Variants in GALNT16 observed in about 807,000 individuals in gnomAD.
GALNT16 encodes polypeptide N-acetylgalactosaminyltransferase 16.
In GALNT16, 40 loss-of-function variants were observed where a neutral mutation model predicts 76.1. The ratio of observed to expected loss-of-function variants is 0.53; its 90% CI spans 0.41 to 0.68. The LOEUF (loss-of-function observed/expected upper bound fraction) is 0.68. GALNT16 is among the 30% of genes least tolerant of loss of function. GALNT16 has a pLI of 0.00. For synonymous variants in GALNT16, 276 were observed against 285.2 expected, an observed-to-expected ratio of 0.97 and a Z score of 0.32; for missense variants, 621 against 731.9, an observed-to-expected ratio of 0.85 and a Z score of 1.75.
chr14:69,333,044 C>T lies in GALNT16; in HGVS notation c.779-41C>T, dbSNP rs2045374564. 2.8e-6 allele frequency: 4 copies of T among 1,437,284 alleles called. No homozygotes were observed. The highest frequency in any genetic ancestry group is 2.0e-6 in the Non-Finnish European group (2 of 1,018,748). The allele number at this position is 1,437,284 out of a possible 1,614,324, so 89.0% of individuals were successfully genotyped here. ...AGTGAAGGGTCTCAGCAGCCCGCAG[C>T]TCTGCCCTGAGCTCTGTCCTCACCT... On this transcript the variant is annotated intron_variant, in intron 7 of 14. Transcript: ENST00000448469. This position sits in a 1 kb window ranked among gnomAD's most constrained non-coding sequence, Gnocchi z 4.2.
intron 9 of GALNT16, among the ~76,000 whole-genome samples, chr14:69,337,192 G>C (rs984213149): frequency 1.3e-5 from 2 of 152,160 alleles, no homozygotes; most frequent in African/African-American, 2.4e-5. Flanking sequence ...TGACAGTGTG[G>C]CTTGCTGGAC....
intron 1 of GALNT16, among the ~76,000 whole-genome samples, chr14:69,281,933 A>G (rs1251601976): frequency 1.3e-5 from 2 of 152,188 alleles, no homozygotes; most frequent in African/African-American, 4.8e-5. Context: ...CTCATTCTGA[A>G]ATTGCCTCCT....
rs2045379492 is a variant in GALNT16 at position 69,333,325 on chromosome 14, G to C, written c.863+156G>C. ...GGACCCTGTATGCAGGGACAGCGAG[G>C]ACAGAGGCCACGGGAACAGATGTGG... On this transcript the variant is annotated intron_variant, in intron 8 of 14. Transcript: ENST00000448469. This position sits in a 1 kb window ranked among gnomAD's most constrained non-coding sequence, Gnocchi z 4.2. 1.4e-6 allele frequency: 1 copy of C among 700,700 alleles called. No individual in the cohort carries two copies. The highest frequency in any genetic ancestry group is 1.8e-5 in the African/African-American group (1 of 55,112). 43.4% of individuals were successfully genotyped at this position (700,700 alleles called of 1,614,324 possible).
rs2045652914 is a variant in GALNT16 at position 69,352,605 on chromosome 14, A to G, written c.*437A>G. 1 of 156,846 alleles carries G rather than the reference A, an allele frequency of 6.4e-6. No individual in the cohort carries two copies. Among genetic ancestry groups the G allele is most frequent in the Non-Finnish European group, 1.4e-5 (1 of 71,392 alleles). The allele number at this position is 156,846 out of a possible 1,614,324, so 9.7% of individuals were successfully genotyped here. On this transcript the variant is annotated 3_prime_UTR_variant, in exon 15 of 15. Transcript: ENST00000448469. The stretch of plus-strand genomic sequence containing the variant: ...GCAGGGCCAGGGGAAATTGGGCAGC[A>G]TGGATGGAGAGGCTGAAGGCTGGGA...
intron 12 of GALNT16, among the ~76,000 whole-genome samples, chr14:69,342,551 A>T (rs2045508148): frequency 6.6e-6 from 1 of 150,594 alleles, no homozygotes; most frequent in Non-Finnish European, 1.5e-5. Context: ...AAAAGGAGAG[A>T]ATCAACAATA....
rs539203356 is a variant in GALNT16, at chr14:69,304,932, G to C, written c.178-15779G>C. The stretch of plus-strand genomic sequence containing the variant: ...GTGAATAATGCTGCATTGAACAAAG[G>C]AGTGCTAATATCCCTTCAAAGTCTT... On this transcript the variant is annotated intron_variant, in intron 1 of 14. Transcript: ENST00000448469. 1.1e-4 allele frequency among the ~76,000 whole-genome samples: 17 copies of C among 152,284 alleles called. 1 individual carries two copies. In the South Asian group the frequency reaches 1.7e-3, roughly 15 times the overall value.
At chr14:69,283,258 C>T (rs1238968951) in intron 1 of GALNT16, among the ~76,000 whole-genome samples, 1 of 152,210 alleles carries the variant, frequency 6.6e-6, no homozygotes, top group African/African-American at 2.4e-5. Context: ...ATGTCAGTCA[C>T]TTGGGTTCCT....
intron 1 of GALNT16, among the ~76,000 whole-genome samples, chr14:69,305,819 G>T (rs780421814): frequency 6.6e-6 from 1 of 152,062 alleles, no homozygotes; most frequent in African/African-American, 2.4e-5. Flanking sequence ...TGTTTTTGAT[G>T]TCATGTCCAC....
At chr14:69,340,388 A>C (rs1036574089) in intron 11 of GALNT16, among the ~76,000 whole-genome samples, 1 of 152,164 alleles carries the variant, frequency 6.6e-6, no homozygotes, top group Admixed American at 6.6e-5. Context: ...GATTACTTAT[A>C]ATACCTAATA....
intron 2 of GALNT16, among the ~76,000 whole-genome samples, chr14:69,323,155 C>T (rs2045228435): frequency 6.6e-6 from 1 of 152,156 alleles, no homozygotes. Context: ...CATTTCTGGT[C>T]CAGCCTCAAT....
intron 2 of GALNT16, among the ~76,000 whole-genome samples, chr14:69,322,981 T>TGC (rs1555400172): frequency 0.012 from 335 of 28,346 alleles, 12 homozygotes; most frequent in Middle Eastern, 0.057. Flanking sequence ...TGTGTGTGTG[T>TGC]GCGCGCGCAC....
chr14:69,284,862 GT>G (rs1187321509), intron 1 of GALNT16, among the ~76,000 whole-genome samples: 1 of 151,968 alleles, frequency 6.6e-6, no homozygotes, highest in Admixed American at 6.6e-5. Flanking sequence ...AGATCCAATG[GT>G]TTTATAAGGG....
chr14:69,301,384 C>T lies in GALNT16; in HGVS notation c.178-19327C>T, dbSNP rs939258648. 3.3e-5 allele frequency among the ~76,000 whole-genome samples: 5 copies of T among 152,128 alleles called. No homozygotes were observed. In the East Asian group the frequency reaches 9.6e-4, roughly 29 times the overall value. On this transcript the variant is annotated intron_variant, in intron 1 of 14. Coordinates refer to ENST00000448469, the MANE Select transcript of GALNT16 (RefSeq NM_001168368.2). ...ATTATTATTATTTGAGACGGAGTCT[C>T]TCTGTGTTGCCCAGGCTGGACTGCA...
At chr14:69,315,520 C>G (rs1271121288) in intron 1 of GALNT16, among the ~76,000 whole-genome samples, 1 of 152,208 alleles carries the variant, frequency 6.6e-6, no homozygotes, top group Non-Finnish European at 1.5e-5. Flanking sequence ...AGATGGAACC[C>G]CCAGTCTCAA....
downstream of GALNT16, chr14:69,354,687 C>T (rs2045679111): frequency 6.6e-6 from 1 of 152,352 alleles, no homozygotes; most frequent in South Asian, 2.1e-4. Flanking sequence ...GGTGGCCCTA[C>T]TGCAAGGGCA....
intron 13 of GALNT16, among the ~76,000 whole-genome samples, chr14:69,347,411 G>A (rs2045580243): frequency 6.6e-6 from 1 of 152,206 alleles, no homozygotes; most frequent in African/African-American, 2.4e-5. Context: ...GAGAAGAGCT[G>A]CCCAGATAGT....
chr14:69,299,993 C>G (rs966130801), intron 1 of GALNT16, among the ~76,000 whole-genome samples: 1 of 152,222 alleles, frequency 6.6e-6, no homozygotes, highest in African/African-American at 2.4e-5. Context: ...AAGGATGAAG[C>G]CCCAGAGAGC....
rs2044272340 is a variant in GALNT16, at chr14:69,261,530, G to C, written c.177+1063G>C. On this transcript the variant is annotated intron_variant, in intron 1 of 14. Transcript: ENST00000448469. The surrounding 1 kb of genome is among the most constrained non-coding windows in gnomAD (Gnocchi z 6.4). The stretch of plus-strand genomic sequence containing the variant: ...GGAAGAGGAGAGCCGAGTGGGGCGG[G>C]GGTAAAGGAGTGAGGAAGCGTGGCG... Among the ~76,000 whole-genome samples, 1 of 152,056 alleles carries C rather than the reference G, an allele frequency of 6.6e-6. No individual in the cohort carries two copies. Among genetic ancestry groups the C allele is most frequent in the African/African-American group, 2.4e-5 (1 of 41,408 alleles).
intron 1 of GALNT16, among the ~76,000 whole-genome samples, chr14:69,274,648 C>G (rs1231428820): frequency 6.6e-6 from 1 of 152,124 alleles, no homozygotes; most frequent in Non-Finnish European, 1.5e-5. Context: ...TCTGGGAGAC[C>G]AAGGCAAATA....
Sources: allele counts gnomAD v4.1 joint callset (sites outside exome capture counted in the v4.1 genomes callset), GRCh38; gene constraint gnomAD v4.1.1; non-coding constraint Gnocchi (gnomAD v3.1); transcripts MANE v1.5; gene names NCBI Gene and HGNC (gene_info 2026-07-23, HGNC 2026-07-21).